TEAD1: variants seen among roughly 807,000 people sequenced by gnomAD.
TEAD1 encodes the protein transcriptional enhancer factor TEF-1.
Under a neutral mutation model 54.9 loss-of-function variants are expected in TEAD1, and 9 were observed. That is an observed-to-expected ratio of 0.16 (90% CI 0.10 to 0.29). The LOEUF is 0.29. Ranked by LOEUF, TEAD1 falls within the 10% of genes least tolerant of loss-of-function variation. The probability of loss-of-function intolerance (pLI) is 1.00; values close to 1 mark genes in which losing one functional copy is unlikely to be tolerated. For synonymous variants in TEAD1, 200 were observed against 187.8 expected (o/e 1.07, Z -0.53); for missense variants, 387 against 535.9 (o/e 0.72, Z 2.74).
chr11:12,759,378 T>C (rs1945055739), intron 2 of TEAD1, among the ~76,000 whole-genome samples: 2 of 147,620 alleles, frequency 1.4e-5, no homozygotes, highest in South Asian at 4.1e-4. Flanking sequence ...CTCAGTAGGT[T>C]ATAGTGAAGG....
chr11:12,724,389 G>C (rs992437842), intron 2 of TEAD1, among the ~76,000 whole-genome samples: 1 of 152,172 alleles, frequency 6.6e-6, no homozygotes, highest in African/African-American at 2.4e-5. Context: ...CACACCTCTC[G>C]GGCTGTTTGA....
chr11:12,935,441 A>ATTATTTATTTATTTAT (rs372268851), intron 12 of TEAD1, among the ~76,000 whole-genome samples: 177 of 149,656 alleles, frequency 1.2e-3, no homozygotes, highest in African/African-American at 1.4e-3. Flanking sequence ...TCATTCAGCA[A>ATTATTTATTTATTTAT]TTATTTATTT....
At chr11:12,771,121 A>G (rs1432245772) in intron 3 of TEAD1, among the ~76,000 whole-genome samples, 1 of 152,192 alleles carries the variant, frequency 6.6e-6, no homozygotes, top group Non-Finnish European at 1.5e-5. Flanking sequence ...TTCTGGCTGA[A>G]GGAACATGTG....
intron 2 of TEAD1, among the ~76,000 whole-genome samples, chr11:12,737,968 TAGAG>T (rs1339319331): frequency 6.6e-6 from 1 of 152,076 alleles, no homozygotes; most frequent in African/African-American, 2.4e-5. Context: ...GGCGGCAGGC[TAGAG>T]AGAATGAGAG....
At chr11:12,719,215 G>C (rs1247048983) in intron 2 of TEAD1, among the ~76,000 whole-genome samples, 4 of 152,022 alleles carry the variant, frequency 2.6e-5, no homozygotes, top group African/African-American at 4.8e-5. Context: ...GAGCAGTTTG[G>C]GGAGGTGATG....
In TEAD1 at chr11:12,700,475, CAT is replaced by C. The variant is rs1359515976; in HGVS notation, c.-55+24916_-55+24917del. 2.0e-5 allele frequency among the ~76,000 whole-genome samples: 3 copies of C among 152,200 alleles called. No homozygotes were observed. In the East Asian group the frequency reaches 5.8e-4, roughly 29 times the overall value. Reference sequence around the variant, plus strand: ...ATAATAAGAGAAACCAAATCATAAACATACAGTACATTCTAAAATTATAAATT... The same window carrying C: ...ATAATAAGAGAAACCAAATCATAAACACAGTACATTCTAAAATTATAAATT... On this transcript the variant is annotated intron_variant, in intron 2 of 12. Coordinates refer to ENST00000527636, the MANE Select transcript of TEAD1 (RefSeq NM_021961.6).
intron 9 of TEAD1, among the ~76,000 whole-genome samples, chr11:12,896,115 C>G (rs920883322): frequency 6.6e-6 from 1 of 152,066 alleles, no homozygotes; most frequent in Middle Eastern, 3.2e-3. Context: ...ATATTGGAAC[C>G]ATTTCCTTAA....
At chr11:12,718,165 T>C (rs1944104621) in intron 2 of TEAD1, among the ~76,000 whole-genome samples, 1 of 152,148 alleles carries the variant, frequency 6.6e-6, no homozygotes, top group South Asian at 2.1e-4. Flanking sequence ...TACAGAGACA[T>C]GTGAACATCT....
At chr11:12,696,352 T>G (rs1350186522) in intron 2 of TEAD1, among the ~76,000 whole-genome samples, 2 of 152,218 alleles carry the variant, frequency 1.3e-5, no homozygotes, top group Non-Finnish European at 2.9e-5. Flanking sequence ...GGGATTGAGA[T>G]AGCAATCCCA....
At chr11:12,751,216 G>T (rs1250679024) in intron 2 of TEAD1, among the ~76,000 whole-genome samples, 4 of 151,590 alleles carry the variant, frequency 2.6e-5, no homozygotes, top group Non-Finnish European at 5.9e-5. Context: ...GCAGGAGGAT[G>T]GCTTGAGCCC....
At chr11:12,717,099 A>C (rs1349321598) in intron 2 of TEAD1, among the ~76,000 whole-genome samples, 1 of 152,192 alleles carries the variant, frequency 6.6e-6, no homozygotes, top group African/African-American at 2.4e-5. Flanking sequence ...ATGAGCCATA[A>C]ACAGTCAAGT....
At chr11:12,885,788 A>G (rs72862724) in intron 9 of TEAD1, among the ~76,000 whole-genome samples, 21,618 of 152,142 alleles carry the variant, frequency 0.14, 2,078 homozygotes, top group East Asian at 0.26. Context: ...AGAAGGCTCG[A>G]TTGCCTCTTT....
intron 9 of TEAD1, among the ~76,000 whole-genome samples, chr11:12,885,743 A>C (rs1438474908): frequency 6.6e-6 from 1 of 152,204 alleles, no homozygotes; most frequent in East Asian, 1.9e-4. Flanking sequence ...CCTCATTGTT[A>C]ACTGTGCTCT....
intron 3 of TEAD1, among the ~76,000 whole-genome samples, chr11:12,843,137 C>G (rs752255280): frequency 2.0e-5 from 3 of 152,092 alleles, no homozygotes; most frequent in Admixed American, 6.6e-5. Flanking sequence ...CCTCTATTGT[C>G]TCATTGTTGG....
intron 9 of TEAD1, among the ~76,000 whole-genome samples, chr11:12,901,339 C>G (rs550718084): frequency 6.6e-6 from 1 of 152,194 alleles, no homozygotes; most frequent in South Asian, 2.1e-4. Flanking sequence ...TAGATCTTCT[C>G]TGTGATCTGT....
At position 12,725,439 on chromosome 11, in the gene TEAD1, T is replaced by C. The variant is rs150260781; in HGVS notation, c.-54-38740T>C. The stretch of plus-strand genomic sequence containing the variant: ...GTGACTATGGTTAACAACAACGTAT[T>C]GTGTATTTCAAAGTAACTAAAAGAA... On this transcript the variant is annotated intron_variant, in intron 2 of 12. Coordinates refer to ENST00000527636, the MANE Select transcript of TEAD1 (RefSeq NM_021961.6). 2.4e-4 allele frequency among the ~76,000 whole-genome samples: 37 copies of C among 152,308 alleles called. 1 individual carries two copies. In the East Asian group the frequency reaches 6.8e-3, roughly 28 times the overall value.
Position 12,943,438 on chromosome 11 carries a change from T to C in TEAD1, c.*6216T>C, listed in dbSNP as rs1326632881. ...TTAAAATTTATTGCATTGCAAAGGGTAGTTTCACTGAAGTCATGCACCATT... is the reference window on the plus strand; with the variant it reads ...TTAAAATTTATTGCATTGCAAAGGGCAGTTTCACTGAAGTCATGCACCATT... On this transcript the variant is annotated 3_prime_UTR_variant, in exon 13 of 13. Coordinates refer to ENST00000527636, the MANE Select transcript of TEAD1 (RefSeq NM_021961.6). 6.5e-6 allele frequency: 1 copy of C among 152,678 alleles called. No individual in the cohort carries two copies. Among genetic ancestry groups the C allele is most frequent in the East Asian group, 1.9e-4 (1 of 5,204 alleles). 9.5% of individuals were successfully genotyped at this position (152,678 alleles called of 1,614,324 possible).
intron 11 of TEAD1, among the ~76,000 whole-genome samples, chr11:12,928,429 G>C (rs900509891): frequency 6.6e-6 from 1 of 151,810 alleles, no homozygotes; most frequent in Non-Finnish European, 1.5e-5. Context: ...CTACAGGCCT[G>C]TGCCACCATG....
chr11:12,814,875 G>A (rs1229029219), intron 3 of TEAD1, among the ~76,000 whole-genome samples: 2 of 151,842 alleles, frequency 1.3e-5, no homozygotes, highest in Non-Finnish European at 2.9e-5. Flanking sequence ...GTGTGTCTGT[G>A]TGTGTGTGCA....
Sources: allele counts gnomAD v4.1 joint callset (sites outside exome capture counted in the v4.1 genomes callset), GRCh38; gene constraint gnomAD v4.1.1; transcripts MANE v1.5; gene names NCBI Gene and HGNC (gene_info 2026-07-23, HGNC 2026-07-21).